CACNA1A: variants seen among roughly 807,000 people sequenced by gnomAD.
The protein encoded by CACNA1A is voltage-dependent P/Q-type calcium channel subunit alpha-1A.
CACNA1A carries 57 observed loss-of-function variants against 262.4 expected under a neutral mutation model. That is an observed-to-expected ratio of 0.22 (90% CI 0.18 to 0.27). CACNA1A has a LOEUF of 0.27. Ranked by LOEUF, CACNA1A falls within the 10% of genes least tolerant of loss-of-function variation. CACNA1A has a pLI of 1.00. For missense variants in CACNA1A, 2,526 were observed against 3,562.8 expected (o/e 0.71, Z 7.41); for synonymous variants, 1,431 against 1,419.3 (o/e 1.01, Z -0.18).
chr19:13,221,879 T>A (rs2055245288), intron 38 of CACNA1A, among the ~76,000 whole-genome samples: 1 of 152,002 alleles, frequency 6.6e-6, no homozygotes, highest in African/African-American at 2.4e-5. Flanking sequence ...CTGAGCTAGG[T>A]CTTTGGGGGA....
rs145292245 is a variant in CACNA1A, at chr19:13,428,641, G to A, written c.539+24235C>T. Among the ~76,000 whole-genome samples the A allele has an allele frequency of 3.3e-4, 50 of 152,114 alleles. 1 individual carries two copies. In the East Asian group the frequency reaches 8.5e-3, roughly 26 times the overall value. ...GTTCCATTTCACAGATAAGGAAACC[G>A]CAGGTCAGAGTGGCCCCGCAGCCTG... On this transcript the variant is annotated intron_variant, in intron 3 of 46. Transcript: ENST00000360228.
In CACNA1A at chr19:13,275,933, C is replaced by A; in HGVS notation, c.3906G>T (p.Leu1302=). 1 of 1,613,432 alleles carries A rather than the reference C, an allele frequency of 6.2e-7. No individual in the cohort carries two copies. Among genetic ancestry groups the A allele is most frequent in the Non-Finnish European group, 8.5e-7 (1 of 1,179,430 alleles). The change falls in exon 24 of 47, where the codon CTG becomes CTT. Residue 1302 remains leucine, a synonymous_variant. Transcript: ENST00000360228. ...GGTCACGGAAGTAGGCACCCTGATGCAGGACGAGCCCCAGGTCAATCATCT... is the reference window on the plus strand; with the variant it reads ...GGTCACGGAAGTAGGCACCCTGATGAAGGACGAGCCCCAGGTCAATCATCT... ...VIKMIDLGLV[L]HQGAYFRDLW...
intron 3 of CACNA1A, among the ~76,000 whole-genome samples, chr19:13,420,785 C>T (rs146245784): frequency 1.3e-5 from 2 of 152,220 alleles, no homozygotes; most frequent in Non-Finnish European, 2.9e-5. Context: ...TGCCTTTGCC[C>T]CTGATTTAAT....
In CACNA1A at chr19:13,298,699, C is replaced by T; in HGVS notation, c.2934G>A (p.Arg978=). Residue 978 remains arginine (R), a synonymous_variant, in exon 19 of 47, where the codon CGG becomes CGA. Transcript: ENST00000360228. The part of the protein sequence containing the change: ...GPEDKAERRA[R]HREGSRPARG... Reference sequence around the variant, plus strand: ...GGGCCGGCCGGCTGCCCTCGCGGTGCCGCGCCCTCCGCTCCGCCTTGTCCT... The same window carrying T: ...GGGCCGGCCGGCTGCCCTCGCGGTGTCGCGCCCTCCGCTCCGCCTTGTCCT... The T allele has an allele frequency of 6.9e-7, 1 of 1,459,042 alleles. No homozygotes were observed. The highest frequency in any genetic ancestry group is 2.9e-5 in the East Asian group (1 of 34,120). 90.4% of individuals were successfully genotyped at this position (1,459,042 alleles called of 1,614,324 possible).
intron 3 of CACNA1A, among the ~76,000 whole-genome samples, chr19:13,383,966 T>C (rs1021820054): frequency 2.0e-5 from 3 of 152,120 alleles, no homozygotes; most frequent in Admixed American, 2.0e-4. Context: ...AGGCATGCAT[T>C]ACCCTATCCA....
In CACNA1A at chr19:13,241,811, G is replaced by A. The variant is rs1371568583; in HGVS notation, c.4950+3371C>T. On this transcript the variant is annotated intron_variant, in intron 31 of 46. Transcript: ENST00000360228. The surrounding 1 kb of genome is among the most constrained non-coding windows in gnomAD (Gnocchi z 4.0). Reference sequence around the variant, plus strand: ...AATATACAGTTTTAAGAGCAGGCATGAAAAGAGACAAGACAAGAAACACAG... The same window carrying A: ...AATATACAGTTTTAAGAGCAGGCATAAAAAGAGACAAGACAAGAAACACAG... Among the ~76,000 whole-genome samples, 1 of 152,204 alleles carries A rather than the reference G, an allele frequency of 6.6e-6. No homozygotes were observed. The highest frequency in any genetic ancestry group is 1.5e-5 in the Non-Finnish European group (1 of 68,042).
At chr19:13,352,628 C>A (rs1002623674) in intron 6 of CACNA1A, among the ~76,000 whole-genome samples, 2 of 152,140 alleles carry the variant, frequency 1.3e-5, no homozygotes, top group African/African-American at 4.8e-5. Context: ...CTTATCATTT[C>A]TTCTTTTCTA....
intron 29 of CACNA1A, 77 bp from the exon 30 acceptor site, chr19:13,253,178 C>G (rs145057649): frequency 3.4e-6 from 3 of 888,006 alleles, no homozygotes; most frequent in African/African-American, 1.6e-5. Flanking sequence ...AGCTTCATGG[C>G]TGTTCTCCAG....
At chr19:13,476,769 G>A (rs999976816) in intron 1 of CACNA1A, among the ~76,000 whole-genome samples, 4 of 152,012 alleles carry the variant, frequency 2.6e-5, no homozygotes, top group African/African-American at 9.7e-5. Flanking sequence ...CCAGAATCCA[G>A]CCACTCATTA....
chr19:13,305,799 T>A (rs184596887), intron 15 of CACNA1A, among the ~76,000 whole-genome samples: 1 of 152,252 alleles, frequency 6.6e-6, no homozygotes, highest in Non-Finnish European at 1.5e-5. Flanking sequence ...TGGTGGCTCA[T>A]GCCTGTAATC....
chr19:13,457,447 G>A (rs2061034556), intron 1 of CACNA1A, among the ~76,000 whole-genome samples: 1 of 152,168 alleles, frequency 6.6e-6, no homozygotes, highest in African/African-American at 2.4e-5. Flanking sequence ...ATTCACAGCA[G>A]CACTATTCAC....
intron 22 of CACNA1A, among the ~76,000 whole-genome samples, chr19:13,281,795 C>G (rs550073395): frequency 6.6e-6 from 1 of 152,268 alleles, no homozygotes; most frequent in African/African-American, 2.4e-5. Context: ...AGAGAAGTTT[C>G]GACTGCGAGA....
intron 3 of CACNA1A, among the ~76,000 whole-genome samples, chr19:13,436,801 G>A (rs908317576): frequency 1.3e-5 from 2 of 152,226 alleles, no homozygotes. Context: ...GCAGTGGGGA[G>A]ATCAGGGAAG....
In CACNA1A at chr19:13,292,712, A is replaced by C. The variant is rs2057570528; in HGVS notation, c.3090-5746T>G. Among the ~76,000 whole-genome samples the C allele has an allele frequency of 6.6e-5, 10 of 152,330 alleles. 1 individual carries two copies. The highest frequency in any genetic ancestry group is 6.5e-4 in the Admixed American group (10 of 15,296). On this transcript the variant is annotated intron_variant, in intron 19 of 46. Coordinates refer to ENST00000360228, the MANE Select transcript of CACNA1A (RefSeq NM_001127222.2). ...GACTGAAGAAGAGGAAAAATGTACAAGGCAGACCTCCGAAGGCCACTGGCT... is the reference window on the plus strand; with the variant it reads ...GACTGAAGAAGAGGAAAAATGTACACGGCAGACCTCCGAAGGCCACTGGCT...
intron 37 of CACNA1A, chr19:13,225,768 C>T (rs2055412050): frequency 1.3e-5 from 2 of 152,242 alleles, no homozygotes; most frequent in South Asian, 4.1e-4. Flanking sequence ...CACACATAGA[C>T]TGGGCCACTG....
chr19:13,424,627 G>A (rs1466517906), intron 3 of CACNA1A, among the ~76,000 whole-genome samples: 4 of 151,454 alleles, frequency 2.6e-5, no homozygotes, highest in African/African-American at 9.7e-5. Flanking sequence ...GCACCATCAT[G>A]CACACTAACT....
chr19:13,267,056 G>A (rs769257931), intron 24 of CACNA1A, among the ~76,000 whole-genome samples: 14 of 152,026 alleles, frequency 9.2e-5, no homozygotes, highest in Non-Finnish European at 1.8e-4. Flanking sequence ...GCGGCAGCAA[G>A]GACACAAGGC....
chr19:13,418,653 G>A (rs1489804069), intron 3 of CACNA1A, among the ~76,000 whole-genome samples: 1 of 152,062 alleles, frequency 6.6e-6, no homozygotes, highest in Non-Finnish European at 1.5e-5. Context: ...AAATCCAATG[G>A]AAGGATCCTC....
At chr19:13,392,514 A>AT (rs2144656116) in intron 3 of CACNA1A, among the ~76,000 whole-genome samples, 1 of 152,322 alleles carries the variant, frequency 6.6e-6, no homozygotes, top group South Asian at 2.1e-4. Context: ...GGAAATGAAC[A>AT]AGTGCATTAC....
Sources: allele counts gnomAD v4.1 joint callset (sites outside exome capture counted in the v4.1 genomes callset), GRCh38; gene constraint gnomAD v4.1.1; non-coding constraint Gnocchi (gnomAD v3.1); transcripts MANE v1.5; gene names NCBI Gene and HGNC (gene_info 2026-07-23, HGNC 2026-07-21).